GABRB1: variants seen among roughly 807,000 people sequenced by gnomAD.
GABRB1 encodes gamma-aminobutyric acid type A receptor subunit beta1.
GABRB1 carries 17 observed loss-of-function variants against 51.6 expected under a neutral mutation model. The observed-to-expected ratio is 0.33, with a 90% CI of 0.23 to 0.49. GABRB1 has a LOEUF of 0.49. Among genes scored for constraint, GABRB1 ranks in the 20% least tolerant of loss-of-function variants. The pLI, the probability that GABRB1 is intolerant of heterozygous loss-of-function variation, is 0.99. For synonymous variants in GABRB1, 247 were observed against 218.9 expected (o/e 1.13, Z -1.14); for missense variants, 410 against 600.6 (o/e 0.68, Z 3.32).
chr4:47,284,448 A>G lies in GABRB1; in HGVS notation c.462-35679A>G, dbSNP rs1023550285. ...TCGTCTGCACACTTAGTCATTTCCA[A>G]CAATACTCAACCCCGAAATTCATAC... On this transcript the variant is annotated intron_variant, in intron 4 of 8. Coordinates refer to ENST00000295454, the MANE Select transcript of GABRB1 (RefSeq NM_000812.4). Among the ~76,000 whole-genome samples the G allele has an allele frequency of 1.1e-4, 16 of 152,320 alleles. No homozygotes were observed. In the Middle Eastern group the frequency reaches 0.01, roughly 97 times the overall value.
At chr4:47,363,019 CGTGT>C (rs72429068) in intron 5 of GABRB1, among the ~76,000 whole-genome samples, 50 of 119,008 alleles carry the variant, frequency 4.2e-4, no homozygotes, top group South Asian at 7.5e-4. Context: ...AGTGTCTAAG[CGTGT>C]GTGTGTGTGT....
chr4:47,379,856 C>G (rs1299665904), intron 5 of GABRB1, among the ~76,000 whole-genome samples: 3 of 152,160 alleles, frequency 2.0e-5, no homozygotes, highest in African/African-American at 4.8e-5. Context: ...ACTGCCCTAA[C>G]AAGGCTTGTG....
intron 3 of GABRB1, among the ~76,000 whole-genome samples, chr4:47,155,390 C>T (rs1361737898): frequency 6.6e-6 from 1 of 151,956 alleles, no homozygotes; most frequent in African/African-American, 2.4e-5. Flanking sequence ...TAAATATGAA[C>T]AAGGGCTTTG....
At chr4:47,127,989 C>G (rs1716238117) in intron 3 of GABRB1, among the ~76,000 whole-genome samples, 1 of 151,422 alleles carries the variant, frequency 6.6e-6, no homozygotes. Flanking sequence ...ACAATTAGCA[C>G]TAAGACAAAT....
intron 1 of GABRB1, among the ~76,000 whole-genome samples, chr4:47,006,934 C>A (rs554727342): frequency 6.6e-6 from 1 of 152,024 alleles, no homozygotes; most frequent in African/African-American, 2.4e-5. Flanking sequence ...GCAGGTGGAT[C>A]GCTAGAGCTC....
chr4:47,354,319 T>A (rs1703785759), intron 5 of GABRB1, among the ~76,000 whole-genome samples: 1 of 152,378 alleles, frequency 6.6e-6, no homozygotes, highest in South Asian at 2.1e-4. Flanking sequence ...TTTATAACTG[T>A]ATGAACATTG....
intron 4 of GABRB1, among the ~76,000 whole-genome samples, chr4:47,317,842 T>C (rs1469361801): frequency 1.3e-5 from 2 of 151,808 alleles, no homozygotes; most frequent in Non-Finnish European, 3.0e-5. Context: ...TCAAAAATAC[T>C]CTGATATATA....
At chr4:47,267,610 C>A (rs577304711) in intron 4 of GABRB1, among the ~76,000 whole-genome samples, 1 of 152,050 alleles carries the variant, frequency 6.6e-6, no homozygotes, top group African/African-American at 2.4e-5. Flanking sequence ...GCCTGGCCAA[C>A]AATGCAAAAC....
intron 5 of GABRB1, among the ~76,000 whole-genome samples, chr4:47,386,257 A>C (rs893311180): frequency 6.6e-6 from 1 of 152,214 alleles, no homozygotes; most frequent in African/African-American, 2.4e-5. Flanking sequence ...CTGTCACCCA[A>C]GAAATTCCAA....
rs985395799 is a variant in GABRB1 at position 47,105,106 on chromosome 4, T to C, written c.241-56143T>C. 3.3e-5 allele frequency among the ~76,000 whole-genome samples: 5 copies of C among 152,122 alleles called. No individual in the cohort carries two copies. In the East Asian group the frequency reaches 7.7e-4, roughly 23 times the overall value. ...CCTTATCTCTTGCTGGCCTTCCACA[T>C]GGACAATTGAGTCAATCTGAGTTTA... On this transcript the variant is annotated intron_variant, in intron 3 of 8. Transcript: ENST00000295454.
Position 47,320,182 on chromosome 4 carries a change from C to A in GABRB1, c.517C>A (p.Gln173Lys), listed in dbSNP as rs762467380. Residue 173 changes from glutamine (Q) to lysine (K), a missense_variant, in exon 5 of 9, where the codon CAG (glutamine) becomes AAG (lysine). This residue lies in a region of GABRB1 where 100 missense variants were observed against 184.3 expected (regional missense o/e 0.54). Transcript: ENST00000295454. ...MDLRRYPLDEQNCTLEIESYG... is the reference protein window; with the variant it reads ...MDLRRYPLDEKNCTLEIESYG... Reference sequence around the variant, plus strand: ...TCTTCGAAGATATCCATTGGATGAGCAGAACTGCACCCTGGAGATCGAAAG... The same window carrying A: ...TCTTCGAAGATATCCATTGGATGAGAAGAACTGCACCCTGGAGATCGAAAG... 2 of 1,604,356 alleles carry A rather than the reference C, an allele frequency of 1.2e-6. No homozygotes were observed. Among genetic ancestry groups the A allele is most frequent in the Non-Finnish European group, 8.5e-7 (1 of 1,170,956 alleles).
chr4:47,250,398 T>C (rs1315947228), intron 4 of GABRB1, among the ~76,000 whole-genome samples: 1 of 152,234 alleles, frequency 6.6e-6, no homozygotes. Flanking sequence ...TTCCTTCATC[T>C]TAACTTTGGA....
At chr4:47,050,440 T>TAC (rs1217243495) in intron 3 of GABRB1, among the ~76,000 whole-genome samples, 4 of 151,306 alleles carry the variant, frequency 2.6e-5, no homozygotes, top group Non-Finnish European at 5.9e-5. Flanking sequence ...TATATATATA[T>TAC]ACATACATAT....
intron 5 of GABRB1, 138 bp downstream of exon 5, chr4:47,320,347 A>G (rs2109962940): frequency 1.5e-6 from 1 of 668,902 alleles, no homozygotes; most frequent in South Asian, 1.7e-5. Context: ...TTATATTGGT[A>G]GCTCAAGGGT....
chr4:47,139,157 C>T (rs946869467), intron 3 of GABRB1, among the ~76,000 whole-genome samples: 16 of 151,946 alleles, frequency 1.1e-4, no homozygotes, highest in African/African-American at 3.4e-4. Context: ...CAACAGACTT[C>T]GAATCCTTCA....
intron 3 of GABRB1, among the ~76,000 whole-genome samples, chr4:47,144,365 G>T (rs957807433): frequency 1.3e-5 from 2 of 151,858 alleles, no homozygotes; most frequent in African/African-American, 4.8e-5. Context: ...CCCTCTGAAG[G>T]CACCAAAGTA....
In GABRB1 at chr4:47,314,243, T is replaced by C. The variant is rs58481984; in HGVS notation, c.462-5884T>C. ...TTATAACTATTGATTGTTGAATAGA[T>C]TGGTCATAATGGCTAGCAACAGTAA... On this transcript the variant is annotated intron_variant, in intron 4 of 8. Coordinates refer to ENST00000295454, the MANE Select transcript of GABRB1 (RefSeq NM_000812.4). Among the ~76,000 whole-genome samples, 1,137 of 152,130 alleles carry C rather than the reference T, an allele frequency of 7.5e-3. 17 individuals are homozygous for C. Among genetic ancestry groups the C allele is most frequent in the African/African-American group, 0.026 (1,074 of 41,550 alleles).
At chr4:47,256,569 T>A (rs184172089) in intron 4 of GABRB1, among the ~76,000 whole-genome samples, 1 of 152,314 alleles carries the variant, frequency 6.6e-6, no homozygotes, top group Admixed American at 6.5e-5. Flanking sequence ...AAAGGTTTAA[T>A]TGGTTCCTGG....
chr4:47,012,998 C>T (rs1212146874), intron 1 of GABRB1, among the ~76,000 whole-genome samples: 1 of 152,134 alleles, frequency 6.6e-6, no homozygotes, highest in Non-Finnish European at 1.5e-5. Flanking sequence ...CAAAGTTTTC[C>T]ATTGTATGAG....
Sources: gnomAD v4.1 joint callset for allele counts (sites outside exome capture counted in the v4.1 genomes callset) on GRCh38, gnomAD v4.1.1 for gene constraint, gnomAD v4.1.1 regional missense constraint, MANE v1.5 for transcripts, NCBI Gene and HGNC (gene_info 2026-07-23, HGNC 2026-07-21) for gene names.